The following DISP1 variants were observed in gnomAD, a reference collection of about 807,000 sequenced individuals.
The protein encoded by DISP1 is dispatched RND transporter family member 1.
A neutral mutation model predicts 37.3 loss-of-function variants in DISP1; 30 were observed. The ratio of observed to expected loss-of-function variants is 0.80; its 90% CI spans 0.60 to 1.09. DISP1 has a LOEUF of 1.09. Among genes scored for constraint, DISP1 ranks in the 50% least tolerant of loss-of-function variants. The pLI is 0.00. For synonymous variants in DISP1, 634 were observed against 690.2 expected, an observed-to-expected ratio of 0.92 and a Z score of 1.28; for missense variants, 1,598 against 1,879.5, an observed-to-expected ratio of 0.85 and a Z score of 2.77.
chr1:222,925,046 C>G (rs762411713), intron 1 of DISP1, among the ~76,000 whole-genome samples: 1 of 152,042 alleles, frequency 6.6e-6, no homozygotes, highest in East Asian at 1.9e-4. Context: ...TTTCTTTTCA[C>G]TCTGAATAAT....
chr1:222,982,965 C>G, intron 3 of DISP1, 115 bp from the exon 4 acceptor site: 2 of 759,966 alleles, frequency 2.6e-6, no homozygotes, highest in Non-Finnish European at 4.3e-6. Flanking sequence ...TTCCAAGATT[C>G]TTTGTAAGAG....
chr1:223,005,366 G>C lies in DISP1; in HGVS notation c.3969G>C (p.Glu1323Asp). Residue 1323 changes from glutamate (E) to aspartate (D), a missense_variant, in exon 9 of 9, where the codon GAG becomes GAC. By Grantham distance (45) the Glu-to-Asp change is conservative. Coordinates refer to ENST00000675850, the MANE Select transcript of DISP1 (RefSeq NM_001377229.1). Reference sequence around the variant, plus strand: ...TGAAGGCCACACACCAAGCTGTCGAGGGCTTTGTGCACCCCATCACGCACA... The same window carrying C: ...TGAAGGCCACACACCAAGCTGTCGACGGCTTTGTGCACCCCATCACGCACA... The part of the protein sequence containing the change: ...APLKATHQAV[E>D]GFVHPITHIH... The C allele has an allele frequency of 6.2e-7, 1 of 1,613,492 alleles. No homozygotes were observed. The highest frequency in any genetic ancestry group is 8.5e-7 in the Non-Finnish European group (1 of 1,180,010).
intron 3 of DISP1, among the ~76,000 whole-genome samples, chr1:222,958,988 A>G (rs1045937300): frequency 6.6e-6 from 1 of 152,112 alleles, no homozygotes; most frequent in African/African-American, 2.4e-5. Context: ...AGATTGCATA[A>G]TATTTAAATT....
intron 1 of DISP1, among the ~76,000 whole-genome samples, chr1:222,845,653 TTAA>T (rs1478758753): frequency 6.6e-6 from 1 of 152,214 alleles, no homozygotes; most frequent in African/African-American, 2.4e-5. Flanking sequence ...TATTATTTAC[TTAA>T]TATTATTTAT....
intron 1 of DISP1, among the ~76,000 whole-genome samples, chr1:222,887,768 G>T (rs1670706806): frequency 9.5e-6 from 1 of 104,844 alleles, no homozygotes; most frequent in South Asian, 3.1e-4. Flanking sequence ...AAAGTGCTGG[G>T]ATTACAGGCG....
intron 3 of DISP1, among the ~76,000 whole-genome samples, chr1:222,946,132 G>C (rs930047243): frequency 6.6e-6 from 1 of 151,650 alleles, no homozygotes; most frequent in African/African-American, 2.4e-5. Context: ...CCAGCACTTT[G>C]GGAGGCGGAG....
In DISP1 at chr1:223,002,447, C is replaced by T. The variant is rs1572744879; in HGVS notation, c.1050C>T (p.Pro350=). The T allele has an allele frequency of 4.3e-6, 7 of 1,614,082 alleles. No individual in the cohort carries two copies. Among genetic ancestry groups the T allele is most frequent in the East Asian group, 4.5e-5 (2 of 44,868 alleles). Reference sequence around the variant, plus strand: ...GGACCACTGCTGCCTCCTGCTGCCCCAGCTGGACACTGGGAAACTACATCG... The same window carrying T: ...GGACCACTGCTGCCTCCTGCTGCCCTAGCTGGACACTGGGAAACTACATCG... The part of the protein sequence containing the change: ...CQRTTAASCC[P]SWTLGNYIAI... The change falls in exon 9 of 9, where the codon CCC becomes CCT. Residue 350 remains proline (P), a synonymous_variant. Coordinates refer to ENST00000675850, the MANE Select transcript of DISP1 (RefSeq NM_001377229.1).
At chr1:222,943,497 A>G (rs1418554988) in intron 3 of DISP1, 165 bp downstream of exon 3, 3 of 848,280 alleles carry the variant, frequency 3.5e-6, no homozygotes, top group Non-Finnish European at 5.5e-6. Flanking sequence ...CGCAAATAAA[A>G]TAATACTGTA....
intron 4 of DISP1, among the ~76,000 whole-genome samples, chr1:222,985,115 A>G (rs1678174659): frequency 1.3e-5 from 2 of 152,222 alleles, no homozygotes; most frequent in Admixed American, 1.3e-4. Context: ...TAAGAAAACA[A>G]ATTTCTACTT....
rs970350277 is a variant in DISP1 at position 222,893,213 on chromosome 1, T to A, written c.-158-35217T>A. ...AAATCTTTTGTGTTAAGAAAACTAC[T>A]AAAACTTTAGTGGTTTTCTATTAAA... On this transcript the variant is annotated intron_variant, in intron 1 of 8. Transcript: ENST00000675850. This position sits in a 1 kb window ranked among gnomAD's most constrained non-coding sequence, Gnocchi z 4.3. Among the ~76,000 whole-genome samples, 1 of 152,236 alleles carries A rather than the reference T, an allele frequency of 6.6e-6. No homozygotes were observed. The highest frequency in any genetic ancestry group is 2.4e-5 in the African/African-American group (1 of 41,474).
intron 1 of DISP1, among the ~76,000 whole-genome samples, chr1:222,822,535 A>G (rs904676348): frequency 6.6e-6 from 1 of 152,230 alleles, no homozygotes; most frequent in African/African-American, 2.4e-5. Flanking sequence ...ACTGTTTTTT[A>G]AAGATGTAAT....
intron 3 of DISP1, among the ~76,000 whole-genome samples, chr1:222,950,283 C>T (rs563070245): frequency 1.8e-4 from 28 of 151,964 alleles, no homozygotes; most frequent in Admixed American, 1.7e-3. Flanking sequence ...TTTCAAAAAC[C>T]AAAGCTTTAA....
intron 4 of DISP1, 146 bp from the exon 5 acceptor site, chr1:222,990,479 C>T: frequency 9.0e-7 from 1 of 1,115,344 alleles, no homozygotes; most frequent in Non-Finnish European, 1.4e-6. Flanking sequence ...TATTGATAAA[C>T]ACCTGTATGT....
At chr1:222,958,647 GTCT>G (rs1052175368) in intron 3 of DISP1, among the ~76,000 whole-genome samples, 38 of 152,094 alleles carry the variant, frequency 2.5e-4, no homozygotes, top group African/African-American at 8.7e-4. Flanking sequence ...ATATATTTTA[GTCT>G]TCTTTGGTTA....
At chr1:222,917,710 T>C (rs1228203007) in intron 1 of DISP1, among the ~76,000 whole-genome samples, 1 of 152,206 alleles carries the variant, frequency 6.6e-6, no homozygotes, top group Non-Finnish European at 1.5e-5. Context: ...CTTTTATGGC[T>C]ACAGGAAGGC....
chr1:222,877,905 G>A (rs1278875383), intron 1 of DISP1, among the ~76,000 whole-genome samples: 2 of 152,156 alleles, frequency 1.3e-5, no homozygotes, highest in African/African-American at 4.8e-5. Context: ...TATGTTGTAG[G>A]AAGGAGCACA....
At chr1:222,936,789 TA>T (rs1673820497) in intron 2 of DISP1, among the ~76,000 whole-genome samples, 1 of 60,228 alleles carries the variant, frequency 1.7e-5, no homozygotes, top group African/African-American at 5.8e-5. Context: ...ATATATAATA[TA>T]TATAATATAT....
At chr1:222,946,316 G>A (rs1257933885) in intron 3 of DISP1, among the ~76,000 whole-genome samples, 2 of 145,482 alleles carry the variant, frequency 1.4e-5, no homozygotes, top group Admixed American at 7.0e-5. Flanking sequence ...CCCAGGAGGC[G>A]AAGCTTGCAG....
intron 1 of DISP1, among the ~76,000 whole-genome samples, chr1:222,898,963 T>G (rs571313115): frequency 6.6e-6 from 1 of 152,324 alleles, no homozygotes; most frequent in South Asian, 2.1e-4. Flanking sequence ...TTGTGACATT[T>G]AATCTTTAAT....
Sources: allele counts gnomAD v4.1 joint callset (sites outside exome capture counted in the v4.1 genomes callset), GRCh38; gene constraint gnomAD v4.1.1; non-coding constraint Gnocchi (gnomAD v3.1); transcripts MANE v1.5; gene names NCBI Gene and HGNC (gene_info 2026-07-23, HGNC 2026-07-21).